WWOX: variants seen among roughly 807,000 people sequenced by gnomAD.
WWOX encodes the protein WW domain-containing oxidoreductase.
In WWOX, 69 loss-of-function variants were observed where a neutral mutation model predicts 46.2. The observed-to-expected ratio is 1.49, with a 90% confidence interval of 1.23 to 1.82. The LOEUF is 1.82. WWOX is among the 40% of genes most tolerant of loss of function. The pLI, the probability that WWOX is intolerant of heterozygous loss-of-function variation, is 0.00. For synonymous variants in WWOX, 359 were observed against 202.6 expected (o/e 1.77, Z -6.56); for missense variants, 919 against 542.6 (o/e 1.69, Z -6.89).
At chr16:78,973,716 G>A (rs537648046) in intron 8 of WWOX, among the ~76,000 whole-genome samples, 1 of 152,264 alleles carries the variant, frequency 6.6e-6, no homozygotes, top group African/African-American at 2.4e-5. Context: ...TTCAATTTGA[G>A]TAATTTGTTC....
intron 8 of WWOX, among the ~76,000 whole-genome samples, chr16:79,062,921 A>C (rs946383931): frequency 6.6e-6 from 1 of 152,190 alleles, no homozygotes; most frequent in African/African-American, 2.4e-5. Context: ...CTGGCTGTCC[A>C]CCTGCTCAAA....
chr16:78,815,614 G>C (rs530326093), intron 8 of WWOX, among the ~76,000 whole-genome samples: 1 of 152,320 alleles, frequency 6.6e-6, no homozygotes, highest in South Asian at 2.1e-4. Context: ...GGGGCAGAGG[G>C]AGTCTCTCTG....
chr16:78,622,932 C>T (rs1190184814), intron 8 of WWOX, among the ~76,000 whole-genome samples: 1 of 152,076 alleles, frequency 6.6e-6, no homozygotes, highest in African/African-American at 2.4e-5. Flanking sequence ...AAAAAGTAAG[C>T]TGCCTTGCAG....
intron 8 of WWOX, among the ~76,000 whole-genome samples, chr16:78,702,670 A>G (rs1222931626): frequency 6.6e-6 from 1 of 151,600 alleles, no homozygotes; most frequent in East Asian, 1.9e-4. Context: ...AAAGAACAAA[A>G]AAAAAAAAAG....
intron 8 of WWOX, among the ~76,000 whole-genome samples, chr16:79,009,681 C>T (rs529753874): frequency 2.0e-5 from 3 of 152,250 alleles, no homozygotes; most frequent in South Asian, 2.1e-4. Flanking sequence ...GAACTCCTGA[C>T]CTCAGGTGAT....
intron 8 of WWOX, among the ~76,000 whole-genome samples, chr16:78,786,291 T>C (rs1320872399): frequency 6.6e-6 from 1 of 152,214 alleles, no homozygotes; most frequent in African/African-American, 2.4e-5. Flanking sequence ...GTAGCGAATG[T>C]CTATTTCCAT....
chr16:78,956,125 C>T (rs1269312402), intron 8 of WWOX, among the ~76,000 whole-genome samples: 2 of 151,916 alleles, frequency 1.3e-5, no homozygotes, highest in Non-Finnish European at 2.9e-5. Context: ...CCACTAGATC[C>T]ATGTATTTGT....
chr16:78,178,233 G>A (rs899424697), intron 5 of WWOX, among the ~76,000 whole-genome samples: 3 of 152,168 alleles, frequency 2.0e-5, no homozygotes, highest in African/African-American at 7.2e-5. Flanking sequence ...AACCTCACTG[G>A]TCCCCCGTCC....
At chr16:78,735,658 C>T (rs991805227) in intron 8 of WWOX, among the ~76,000 whole-genome samples, 80 of 152,290 alleles carry the variant, frequency 5.3e-4, no homozygotes, top group African/African-American at 1.7e-3. Context: ...TGCTGCTGGC[C>T]TCTTCATCTT....
chr16:78,669,373 G>A (rs2047407601), intron 8 of WWOX, among the ~76,000 whole-genome samples: 1 of 152,250 alleles, frequency 6.6e-6, no homozygotes, highest in African/African-American at 2.4e-5. Context: ...CAACTAGAAT[G>A]GTAGGATCCA....
chr16:78,981,696 G>C (rs1281606455), intron 8 of WWOX: 1 of 152,186 alleles, frequency 6.6e-6, no homozygotes, highest in Non-Finnish European at 1.5e-5. Flanking sequence ...CAAAGTGCTG[G>C]GATTACAGGT....
chr16:78,187,000 G>A (rs770290961), intron 5 of WWOX, among the ~76,000 whole-genome samples: 10 of 152,106 alleles, frequency 6.6e-5, no homozygotes, highest in East Asian at 3.9e-4. Flanking sequence ...ATTTGTGTGC[G>A]GCTCTCTCTG....
chr16:78,608,024 A>G (rs1160572507), intron 8 of WWOX, among the ~76,000 whole-genome samples: 3 of 152,188 alleles, frequency 2.0e-5, no homozygotes, highest in Admixed American at 1.3e-4. Flanking sequence ...GTCAACCGCA[A>G]CACAAATCTT....
At chr16:78,323,188 T>A (rs111286740) in intron 5 of WWOX, among the ~76,000 whole-genome samples, 13,884 of 152,084 alleles carry the variant, frequency 0.091, 746 homozygotes, top group Admixed American at 0.15. Context: ...GCTCACTACA[T>A]CTCTGCCTCC....
chr16:78,808,512 G>T (rs968875501), intron 8 of WWOX, among the ~76,000 whole-genome samples: 4 of 152,122 alleles, frequency 2.6e-5, no homozygotes, highest in African/African-American at 9.7e-5. Flanking sequence ...TACTAAAAAT[G>T]TGGACCTTTG....
chr16:78,930,933 A>G (rs2045611231), intron 8 of WWOX, among the ~76,000 whole-genome samples: 1 of 152,148 alleles, frequency 6.6e-6, no homozygotes, highest in Admixed American at 6.5e-5. Context: ...AGGTCCTATC[A>G]CTAACTAGTA....
intron 8 of WWOX, among the ~76,000 whole-genome samples, chr16:78,695,324 A>T (rs78113225): frequency 0.026 from 3,940 of 152,014 alleles, 169 homozygotes; most frequent in African/African-American, 0.091. Flanking sequence ...CTCTCACTCC[A>T]ATTTGAATCC....
chr16:78,371,777 C>G (rs2081695649), intron 5 of WWOX, among the ~76,000 whole-genome samples: 1 of 151,030 alleles, frequency 6.6e-6, no homozygotes, highest in African/African-American at 2.4e-5. Flanking sequence ...CAAAATGTTC[C>G]TGATGTTTTT....
intron 8 of WWOX, among the ~76,000 whole-genome samples, chr16:78,573,496 C>T (rs1000686536): frequency 6.6e-6 from 1 of 152,164 alleles, no homozygotes; most frequent in Admixed American, 6.5e-5. Flanking sequence ...TCAGATGCAT[C>T]TTCCTAAAAC....
Sources: gnomAD v4.1 joint callset for allele counts (sites outside exome capture counted in the v4.1 genomes callset) on GRCh38, gnomAD v4.1.1 for gene constraint, MANE v1.5 for transcripts, NCBI Gene and HGNC (gene_info 2026-07-23, HGNC 2026-07-21) for gene names.